Variants in ITPRIP observed in about 807,000 individuals in gnomAD.
ITPRIP encodes inositol 1,4,5-trisphosphate receptor-interacting protein.
A neutral mutation model predicts 35.8 loss-of-function variants in ITPRIP; 32 were observed. The observed-to-expected ratio is 0.89, with a 90% CI of 0.68 to 1.20. The LOEUF is 1.20. Among genes scored for constraint, ITPRIP ranks in the 50% most tolerant of loss-of-function variants. The pLI is 0.00. For synonymous variants in ITPRIP, 358 were observed against 324.0 expected, an observed-to-expected ratio of 1.11 and a Z score of -1.13; for missense variants, 653 against 735.6, an observed-to-expected ratio of 0.89 and a Z score of 1.30.
Position 104,311,099 on chromosome 10 carries a change from G to A in ITPRIP, c.*3309C>T, listed in dbSNP as rs1306822111. 6.6e-6 allele frequency: 1 copy of A among 152,054 alleles called. No homozygotes were observed. The highest frequency in any genetic ancestry group is 1.5e-5 in the Non-Finnish European group (1 of 68,034). The allele number at this position is 152,054 out of a possible 1,614,324, so 9.4% of individuals were successfully genotyped here. A position where few individuals can be genotyped will look rare whatever the true frequency, so the allele number is the denominator to read the frequency against. ...CGTTAGGCTCCTGACAAATGCTTGT[G>A]GACTATTCATGACCTGCTTGGGAGA... is the stretch of plus-strand genomic sequence containing the variant. On this transcript the variant is annotated 3_prime_UTR_variant, in exon 2 of 2. Transcript: ENST00000337478.
rs2013603141 is a variant in ITPRIP at position 104,314,933 on chromosome 10, G to A, written c.1119C>T (p.Thr373=). Residue 373 remains threonine, a synonymous_variant, in exon 2 of 2, where the codon ACC becomes ACT. Transcript: ENST00000337478. ...SHLPREPSEG[T]PASSTDWLLS... ...GGAGCCAGTCTGTGCTGGAGGCTGG[G>A]GTGCCCTCAGAGGGCTCCCTGGGAA... The A allele has an allele frequency of 6.2e-7, 1 of 1,613,670 alleles. No homozygotes were observed. Among genetic ancestry groups the A allele is most frequent in the Non-Finnish European group, 8.5e-7 (1 of 1,180,016 alleles).
At position 104,312,656 on chromosome 10, in the gene ITPRIP, A is replaced by G. The variant is rs941499863; in HGVS notation, c.*1752T>C. The G allele has an allele frequency of 4.1e-6, 4 of 985,252 alleles. No individual in the cohort carries two copies. Among genetic ancestry groups the G allele is most frequent in the Non-Finnish European group, 4.8e-6 (4 of 829,916 alleles). The allele number at this position is 985,252 out of a possible 1,614,324, so 61.0% of individuals were successfully genotyped here. ...TCCAGCTCACACTGGAAGGCTTCCT[A>G]TAGGTTTGGTTGCCCTGATCACAGC... On this transcript the variant is annotated 3_prime_UTR_variant, in exon 2 of 2. Transcript: ENST00000337478.
chr10:104,330,414 G>C (rs1191193811), intron 1 of ITPRIP, among the ~76,000 whole-genome samples: 1 of 152,202 alleles, frequency 6.6e-6, no homozygotes, highest in South Asian at 2.1e-4. Context: ...AGACAGAGAC[G>C]GTTGCAGCCC....
Position 104,321,610 on chromosome 10 carries a change from T to C in ITPRIP, c.-13-5546A>G, listed in dbSNP as rs1040871178. Among the ~76,000 whole-genome samples, 5 of 152,232 alleles carry C rather than the reference T, an allele frequency of 3.3e-5. 1 individual carries two copies. The highest frequency in any genetic ancestry group is 1.3e-4 in the Admixed American group (2 of 15,292). ...TTAATCCAATAAACACCACAAAGCA[T>C]TGCCTAACACCCATAGCTCTCCCAT... is the stretch of plus-strand genomic sequence containing the variant. On this transcript the variant is annotated intron_variant, in intron 1 of 1. Coordinates refer to ENST00000337478, the MANE Select transcript of ITPRIP (RefSeq NM_001272013.2).
chr10:104,312,938 C>G lies in ITPRIP; in HGVS notation c.*1470G>C. 4.1e-6 allele frequency: 4 copies of G among 985,438 alleles called. No individual in the cohort carries two copies. Among genetic ancestry groups the G allele is most frequent in the South Asian group, 4.7e-5 (1 of 21,290 alleles). 61.0% of individuals were successfully genotyped at this position (985,438 alleles called of 1,614,324 possible). A position where few individuals can be genotyped will look rare whatever the true frequency, so the allele number is the denominator to read the frequency against. ...GAAGTAACGGTGAGATAGGAAATCTCAAAGGGCCAGTGAAGCCACAGGTGG... is the reference window on the plus strand; with the variant it reads ...GAAGTAACGGTGAGATAGGAAATCTGAAAGGGCCAGTGAAGCCACAGGTGG... On this transcript the variant is annotated 3_prime_UTR_variant, in exon 2 of 2. Transcript: ENST00000337478.
In ITPRIP at chr10:104,328,227, C is replaced by A. The variant is rs556805117; in HGVS notation, c.-14+10019G>T. 2.0e-6 allele frequency: 2 copies of A among 985,206 alleles called. No individual in the cohort carries two copies. Among genetic ancestry groups the A allele is most frequent in the Non-Finnish European group, 2.4e-6 (2 of 829,842 alleles). 61.0% of individuals were successfully genotyped at this position (985,206 alleles called of 1,614,324 possible). On this transcript the variant is annotated intron_variant, in intron 1 of 1. Transcript: ENST00000337478. This position sits in a 1 kb window ranked among gnomAD's most constrained non-coding sequence, Gnocchi z 4.1. ...TGCGTGAATCACAGTGACAGCAATGCGCCCTCACCACTTCCCGTTGTCCTA... is the reference window on the plus strand; with the variant it reads ...TGCGTGAATCACAGTGACAGCAATGAGCCCTCACCACTTCCCGTTGTCCTA...
At chr10:104,318,449 G>A (rs951579320) in intron 1 of ITPRIP, among the ~76,000 whole-genome samples, 2 of 152,136 alleles carry the variant, frequency 1.3e-5, no homozygotes, top group African/African-American at 4.8e-5. Flanking sequence ...GTAATAGCCC[G>A]GACAACCACC....
chr10:104,313,982 G>T lies in ITPRIP; in HGVS notation c.*426C>A. 1 of 997,072 alleles carries T rather than the reference G, an allele frequency of 1.0e-6. No individual in the cohort carries two copies. The highest frequency in any genetic ancestry group is 1.2e-6 in the Non-Finnish European group (1 of 836,884). 61.8% of individuals were successfully genotyped at this position (997,072 alleles called of 1,614,324 possible). A position where few individuals can be genotyped will look rare whatever the true frequency, so the allele number is the denominator to read the frequency against. On this transcript the variant is annotated 3_prime_UTR_variant, in exon 2 of 2. Transcript: ENST00000337478. ...AGAAGCTCCTGGGAATAGGGGTGCT[G>T]GGTCTTAACACGGTTCCCTGTCAGC...
At chr10:104,317,200 T>G (rs1472942227) in intron 1 of ITPRIP, among the ~76,000 whole-genome samples, 1 of 152,172 alleles carries the variant, frequency 6.6e-6, no homozygotes, top group Non-Finnish European at 1.5e-5. Context: ...GAGCAAAGAA[T>G]CACTAATTTC....
chr10:104,314,100 C>A lies in ITPRIP; in HGVS notation c.*308G>T. 1 of 1,149,072 alleles carries A rather than the reference C, an allele frequency of 8.7e-7. No individual in the cohort carries two copies. The highest frequency in any genetic ancestry group is 3.0e-5 in the South Asian group (1 of 33,696). The allele number at this position is 1,149,072 out of a possible 1,614,324, so 71.2% of individuals were successfully genotyped here. A position where few individuals can be genotyped will look rare whatever the true frequency, so the allele number is the denominator to read the frequency against. On this transcript the variant is annotated 3_prime_UTR_variant, in exon 2 of 2. Coordinates refer to ENST00000337478, the MANE Select transcript of ITPRIP (RefSeq NM_001272013.2). The stretch of plus-strand genomic sequence containing the variant: ...AATCCAACATTTGCATTGTCTCTAA[C>A]TCAGGGTCCACAGCGTGTTCTGCCA...
In ITPRIP at chr10:104,315,771, A is replaced by G; in HGVS notation, c.281T>C (p.Met94Thr). The change falls in exon 2 of 2, where the codon ATG becomes ACG. Residue 94 changes from methionine to threonine, a missense_variant. Physicochemically the swap from Met to Thr is moderately conservative, Grantham distance 81. Coordinates refer to ENST00000337478, the MANE Select transcript of ITPRIP (RefSeq NM_001272013.2). The surrounding 1 kb of genome is among the most constrained non-coding windows in gnomAD (Gnocchi z 5.7). ...CACCTCGATCATCAGGAAGAGGATC[A>G]TGCAGAGGGTGCTCCAGAGGTCCCA... Reference protein sequence around the residue: ...VAWDLWSTLCMILFLMIEVWR... With the variant: ...VAWDLWSTLCTILFLMIEVWR... 6.2e-7 allele frequency: 1 copy of G among 1,614,000 alleles called. No homozygotes were observed. Among genetic ancestry groups the G allele is most frequent in the Non-Finnish European group, 8.5e-7 (1 of 1,180,004 alleles).
intron 1 of ITPRIP, chr10:104,323,601 A>C (rs1055240320): frequency 1.3e-5 from 2 of 152,310 alleles, no homozygotes; most frequent in African/African-American, 2.4e-5. Flanking sequence ...CCCAGGCCTT[A>C]GAAAAACAGG....
At position 104,311,107 on chromosome 10, in the gene ITPRIP, C is replaced by T. The variant is rs1308287284; in HGVS notation, c.*3301G>A. The T allele has an allele frequency of 6.6e-6, 1 of 152,160 alleles. No individual in the cohort carries two copies. Among genetic ancestry groups the T allele is most frequent in the Non-Finnish European group, 1.5e-5 (1 of 68,050 alleles). 9.4% of individuals were successfully genotyped at this position (152,160 alleles called of 1,614,324 possible). A position where few individuals can be genotyped will look rare whatever the true frequency, so the allele number is the denominator to read the frequency against. On this transcript the variant is annotated 3_prime_UTR_variant, in exon 2 of 2. Coordinates refer to ENST00000337478, the MANE Select transcript of ITPRIP (RefSeq NM_001272013.2). Reference sequence around the variant, plus strand: ...TCCTGACAAATGCTTGTGGACTATTCATGACCTGCTTGGGAGAAGGGCTCA... The same window carrying T: ...TCCTGACAAATGCTTGTGGACTATTTATGACCTGCTTGGGAGAAGGGCTCA...
At chr10:104,321,861 T>A (rs980856876) in intron 1 of ITPRIP, among the ~76,000 whole-genome samples, 2 of 152,182 alleles carry the variant, frequency 1.3e-5, no homozygotes, top group African/African-American at 4.8e-5. Flanking sequence ...ATTCTGTCTG[T>A]CTTTGCCAGC....
Position 104,311,006 on chromosome 10 carries a change from T to G in ITPRIP, c.*3402A>C, listed in dbSNP as rs2013472189. ...TAGCTCAGTACTTGGAAGGCCACCT[T>G]CTGCTGCCTCTCCTAGGGAACAGGC... On this transcript the variant is annotated 3_prime_UTR_variant, in exon 2 of 2. Transcript: ENST00000337478. 6.6e-6 allele frequency: 1 copy of G among 152,322 alleles called. No individual in the cohort carries two copies. Among genetic ancestry groups the G allele is most frequent in the African/African-American group, 2.4e-5 (1 of 41,462 alleles). The allele number at this position is 152,322 out of a possible 1,614,324, so 9.4% of individuals were successfully genotyped here.
chr10:104,335,532 C>CCA (rs761796082), intron 1 of ITPRIP, among the ~76,000 whole-genome samples: 11 of 152,164 alleles, frequency 7.2e-5, no homozygotes, highest in Non-Finnish European at 1.6e-4. Flanking sequence ...CTCACACCGC[C>CCA]CAGAGATTAA....
chr10:104,313,430 C>T lies in ITPRIP; in HGVS notation c.*978G>A, dbSNP rs1426270198. ...GCACAGCCTCTGGGAGTGCCATGGC[C>T]TCAGGTGCCTTGTGGTTGCCAATGA... On this transcript the variant is annotated 3_prime_UTR_variant, in exon 2 of 2. Transcript: ENST00000337478. 51 of 985,814 alleles carry T rather than the reference C, an allele frequency of 5.2e-5. No individual in the cohort carries two copies. Among genetic ancestry groups the T allele is most frequent in the Non-Finnish European group, 5.8e-5 (48 of 830,138 alleles). The allele number at this position is 985,814 out of a possible 1,614,324, so 61.1% of individuals were successfully genotyped here.
intron 1 of ITPRIP, among the ~76,000 whole-genome samples, chr10:104,318,395 C>G (rs1169651087): frequency 6.6e-6 from 1 of 152,170 alleles, no homozygotes; most frequent in Non-Finnish European, 1.5e-5. Flanking sequence ...CTGCCTGGAT[C>G]ACAGGCAGCC....
Position 104,314,421 on chromosome 10 carries a change from G to A in ITPRIP, c.1631C>T (p.Thr544Ile). Residue 544 changes from threonine (T) to isoleucine (I), a missense_variant, in exon 2 of 2, where the codon ACC becomes ATC. Transcript: ENST00000337478. ...YSLHVPSDQP[T>I]PKS is the part of the protein sequence containing the mutation. Reference sequence around the variant, plus strand: ...CTGTAAAAGACGTCAGCTTTTTGGGGTAGGCTGGTCTGAGGGGACATGTAG... The same window carrying A: ...CTGTAAAAGACGTCAGCTTTTTGGGATAGGCTGGTCTGAGGGGACATGTAG... The A allele has an allele frequency of 6.2e-7, 1 of 1,607,376 alleles. No homozygotes were observed. Among genetic ancestry groups the A allele is most frequent in the Non-Finnish European group, 8.5e-7 (1 of 1,175,902 alleles).
Sources: gnomAD v4.1 joint callset for allele counts (sites outside exome capture counted in the v4.1 genomes callset) on GRCh38, gnomAD v4.1.1 for gene constraint, Gnocchi (gnomAD v3.1) non-coding constraint, MANE v1.5 for transcripts, NCBI Gene and HGNC (gene_info 2026-07-23, HGNC 2026-07-21) for gene names.